Variants in SPOCK1 observed in about 807,000 individuals in gnomAD.
SPOCK1 encodes the protein SPARC (osteonectin), cwcv and kazal like domains proteoglycan 1.
Under a neutral mutation model 55.3 loss-of-function variants are expected in SPOCK1, and 23 were observed. That is an observed-to-expected ratio of 0.42 (90% CI 0.30 to 0.59). The LOEUF is 0.59. SPOCK1 is among the 20% of genes least tolerant of loss of function. The pLI is 0.22. For missense variants in SPOCK1, 499 were observed against 552.5 expected, an observed-to-expected ratio of 0.90 and a Z score of 0.97; for synonymous variants, 226 against 221.0, an observed-to-expected ratio of 1.02 and a Z score of -0.20.
intron 6 of SPOCK1, among the ~76,000 whole-genome samples, chr5:137,019,362 T>G (rs1751514716): frequency 6.6e-6 from 1 of 152,158 alleles, no homozygotes; most frequent in African/African-American, 2.4e-5. Context: ...TGGGTATGTG[T>G]GTATCATGTT....
chr5:137,434,882 G>T lies in SPOCK1; in HGVS notation c.186+63491C>A, dbSNP rs534957507. Reference sequence around the variant, plus strand: ...TTCCTGAAATATCAATGAATTGTTTGCTTAAATAATAAGTATTCTATGAAG... The same window carrying T: ...TTCCTGAAATATCAATGAATTGTTTTCTTAAATAATAAGTATTCTATGAAG... On this transcript the variant is annotated intron_variant, in intron 2 of 10. Coordinates refer to ENST00000394945, the MANE Select transcript of SPOCK1 (RefSeq NM_004598.4). Among the ~76,000 whole-genome samples the T allele has an allele frequency of 1.9e-4, 29 of 152,190 alleles. No individual in the cohort carries two copies. The South Asian group carries it at 5.6e-3, about 29-fold the overall frequency.
intron 2 of SPOCK1, among the ~76,000 whole-genome samples, chr5:137,271,068 G>T (rs1756952608): frequency 6.6e-6 from 1 of 151,954 alleles, no homozygotes; most frequent in African/African-American, 2.4e-5. Context: ...TGGTAAGAAA[G>T]TGACAAACCA....
chr5:137,431,850 A>G (rs1014476201), intron 2 of SPOCK1, among the ~76,000 whole-genome samples: 4 of 152,234 alleles, frequency 2.6e-5, no homozygotes, highest in Admixed American at 2.0e-4. Flanking sequence ...TATGAGCTAA[A>G]TAAGCCTCTT....
intron 3 of SPOCK1, among the ~76,000 whole-genome samples, chr5:137,207,867 T>C (rs1353881846): frequency 6.6e-6 from 1 of 152,184 alleles, no homozygotes. Context: ...TATCATACCC[T>C]ATGAGTCCAC....
chr5:137,359,927 C>G (rs1432646183), intron 2 of SPOCK1, among the ~76,000 whole-genome samples: 1 of 152,154 alleles, frequency 6.6e-6, no homozygotes, highest in African/African-American at 2.4e-5. Flanking sequence ...CTTCAGAGAC[C>G]CTCGTGGTGA....
intron 6 of SPOCK1, among the ~76,000 whole-genome samples, chr5:137,053,880 G>A (rs1752254524): frequency 6.6e-6 from 1 of 152,132 alleles, no homozygotes; most frequent in Non-Finnish European, 1.5e-5. Context: ...AAGAGACTGG[G>A]AAAATAAGAA....
intron 3 of SPOCK1, among the ~76,000 whole-genome samples, chr5:137,180,018 A>T (rs779370615): frequency 6.6e-6 from 1 of 152,200 alleles, no homozygotes; most frequent in Non-Finnish European, 1.5e-5. Flanking sequence ...GACTGCTAGC[A>T]TCTCAACCTT....
At chr5:137,360,372 T>G (rs950918204) in intron 2 of SPOCK1, among the ~76,000 whole-genome samples, 1 of 152,234 alleles carries the variant, frequency 6.6e-6, no homozygotes, top group Non-Finnish European at 1.5e-5. Flanking sequence ...TGGACCCACA[T>G]GGACCTTGAG....
At chr5:137,206,665 C>G (rs1755525951) in intron 3 of SPOCK1, among the ~76,000 whole-genome samples, 1 of 152,188 alleles carries the variant, frequency 6.6e-6, no homozygotes, top group African/African-American at 2.4e-5. Flanking sequence ...AATTGTAATT[C>G]TACAAATTAA....
At chr5:137,270,917 G>A (rs545001990) in intron 2 of SPOCK1, among the ~76,000 whole-genome samples, 4 of 152,234 alleles carry the variant, frequency 2.6e-5, no homozygotes, top group African/African-American at 4.8e-5. Flanking sequence ...CAGGAGAGTC[G>A]CCTGAACCCG....
chr5:137,400,890 C>A (rs1751959259), intron 2 of SPOCK1, among the ~76,000 whole-genome samples: 1 of 152,158 alleles, frequency 6.6e-6, no homozygotes, highest in African/African-American at 2.4e-5. Flanking sequence ...GGGGTGGTTC[C>A]CACTACCCAG....
intron 2 of SPOCK1, among the ~76,000 whole-genome samples, chr5:137,384,563 C>CATATATATATATATATATATATATATAT (rs368458010): frequency 2.2e-5 from 3 of 133,526 alleles, no homozygotes; most frequent in African/African-American, 1.0e-4. Context: ...TACATACATA[C>CATATATATATATATATATATATATATAT]ATATATATAT....
chr5:137,387,791 G>A (rs1751626349), intron 2 of SPOCK1, among the ~76,000 whole-genome samples: 1 of 152,076 alleles, frequency 6.6e-6, no homozygotes, highest in Non-Finnish European at 1.5e-5. Context: ...GGCTGTGTAG[G>A]TGTTACAGCA....
intron 2 of SPOCK1, among the ~76,000 whole-genome samples, chr5:137,348,295 C>T (rs1242289723): frequency 6.6e-6 from 1 of 152,208 alleles, no homozygotes; most frequent in African/African-American, 2.4e-5. Flanking sequence ...GCAAAATCAG[C>T]ACCATCCCTT....
intron 2 of SPOCK1, among the ~76,000 whole-genome samples, chr5:137,450,010 A>T (rs539682949): frequency 6.6e-5 from 10 of 151,284 alleles, no homozygotes; most frequent in Non-Finnish European, 1.5e-4. Context: ...TGGCATTCAT[A>T]AAAAAAAACT....
In SPOCK1 at chr5:137,308,235, C is replaced by A. The variant is rs971986063; in HGVS notation, c.187-41180G>T. On this transcript the variant is annotated intron_variant, in intron 2 of 10. Coordinates refer to ENST00000394945, the MANE Select transcript of SPOCK1 (RefSeq NM_004598.4). ...ATTCTACCAAGATTTTTCAGACACA[C>A]AAAGCCTTTGGACTAAGTTGACTGA... is the stretch of plus-strand genomic sequence containing the variant. Among the ~76,000 whole-genome samples the A allele has an allele frequency of 3.9e-5, 6 of 152,358 alleles. No homozygotes were observed. The South Asian group carries it at 1.0e-3, about 26-fold the overall frequency.
At chr5:137,423,699 G>T (rs556279918) in intron 2 of SPOCK1, among the ~76,000 whole-genome samples, 1 of 152,314 alleles carries the variant, frequency 6.6e-6, no homozygotes, top group East Asian at 1.9e-4. Context: ...TCTTTGACTA[G>T]GAAAGGGAAT....
chr5:137,033,783 T>A lies in SPOCK1; in HGVS notation c.589+33932A>T, dbSNP rs550183626. Among the ~76,000 whole-genome samples, 13 of 152,322 alleles carry A rather than the reference T, an allele frequency of 8.5e-5. 1 individual carries two copies. The East Asian group carries it at 2.5e-3, about 29-fold the overall frequency. ...TAATTTTCATTTATTTTTTATTTTT[T>A]GTAGAGATGAGGGTCTCACTTTGTT... On this transcript the variant is annotated intron_variant, in intron 6 of 10. Transcript: ENST00000394945.
At chr5:137,053,379 C>T (rs1174571473) in intron 6 of SPOCK1, among the ~76,000 whole-genome samples, 1 of 152,048 alleles carries the variant, frequency 6.6e-6, no homozygotes, top group South Asian at 2.1e-4. Flanking sequence ...TCTCTGGTCT[C>T]CTCCTCCCCT....
Sources: gnomAD v4.1 joint callset for allele counts (sites outside exome capture counted in the v4.1 genomes callset) on GRCh38, gnomAD v4.1.1 for gene constraint, MANE v1.5 for transcripts, NCBI Gene and HGNC (gene_info 2026-07-23, HGNC 2026-07-21) for gene names.